The following SENP6 variants were observed in gnomAD, a reference collection of about 807,000 sequenced individuals.
SENP6 encodes the protein sentrin-specific protease 6.
SENP6 carries 41 observed loss-of-function variants against 134.5 expected under a neutral mutation model. The ratio of observed to expected loss-of-function variants is 0.30; its 90% CI spans 0.24 to 0.40. SENP6 has a LOEUF of 0.40. Among genes scored for constraint, SENP6 ranks in the 10% least tolerant of loss-of-function variants. SENP6 has a pLI of 1.00. For missense variants in SENP6, 1,248 were observed against 1,312.5 expected (o/e 0.95, Z 0.76); for synonymous variants, 395 against 429.8 (o/e 0.92, Z 1.00).
intron 12 of SENP6, 114 bp downstream of exon 12, chr6:75,675,582 A>G: frequency 1.4e-6 from 1 of 711,812 alleles, no homozygotes. Flanking sequence ...TAGTTGTTAC[A>G]TATATCTTCT....
At chr6:75,646,139 G>A (rs961339483) in intron 6 of SENP6, among the ~76,000 whole-genome samples, 2 of 152,124 alleles carry the variant, frequency 1.3e-5, no homozygotes, top group Non-Finnish European at 2.9e-5. Flanking sequence ...ATTCTCTTTA[G>A]TGTGAAAGTG....
chr6:75,689,764 A>T (rs749574889), intron 16 of SENP6, among the ~76,000 whole-genome samples: 3 of 152,182 alleles, frequency 2.0e-5, no homozygotes, highest in Non-Finnish European at 2.9e-5. Flanking sequence ...GCAGTAGGTT[A>T]TACCATATAG....
chr6:75,634,999 C>T, intron 5 of SENP6, 188 bp downstream of exon 5: 1 of 658,580 alleles, frequency 1.5e-6, no homozygotes, highest in Non-Finnish European at 2.8e-6. Flanking sequence ...TAATCAGATT[C>T]TGTAAATAGA....
chr6:75,693,287 C>T (rs1774416074), intron 16 of SENP6, among the ~76,000 whole-genome samples: 1 of 151,780 alleles, frequency 6.6e-6, no homozygotes, highest in Non-Finnish European at 1.5e-5. Context: ...TGCCTGCAGT[C>T]CTAGCTACTC....
chr6:75,626,339 T>TTATATATA (rs371571007), intron 3 of SENP6, among the ~76,000 whole-genome samples: 1 of 149,528 alleles, frequency 6.7e-6, no homozygotes, highest in Non-Finnish European at 1.5e-5. Flanking sequence ...GCTTAGCTTT[T>TTATATATA]TATATATATA....
chr6:75,690,141 C>T (rs1235544772), intron 16 of SENP6, among the ~76,000 whole-genome samples: 2 of 152,140 alleles, frequency 1.3e-5, no homozygotes, highest in Non-Finnish European at 2.9e-5. Context: ...GAGCTCCTGC[C>T]CTCAAGCAGT....
intron 8 of SENP6, among the ~76,000 whole-genome samples, chr6:75,661,215 G>A (rs1332102954): frequency 6.6e-6 from 1 of 152,190 alleles, no homozygotes; most frequent in Non-Finnish European, 1.5e-5. Flanking sequence ...CACGTTGCAT[G>A]TTTGTAACTC....
chr6:75,665,013 G>A (rs1423325629), intron 9 of SENP6, among the ~76,000 whole-genome samples: 3 of 152,190 alleles, frequency 2.0e-5, no homozygotes, highest in Admixed American at 6.5e-5. Flanking sequence ...TAGGCTGGGC[G>A]CATTGGGTCA....
chr6:75,602,507 C>A lies in SENP6; in HGVS notation c.-18C>A. 1.3e-6 allele frequency: 2 copies of A among 1,550,976 alleles called. No individual in the cohort carries two copies. The highest frequency in any genetic ancestry group is 2.7e-5 in the African/African-American group (2 of 73,146). On this transcript the variant is annotated 5_prime_UTR_variant, in exon 1 of 24. Coordinates refer to ENST00000447266, the MANE Select transcript of SENP6 (RefSeq NM_015571.4). ...TGTGGGCCATGGATTAAGAAGGAGG[C>A]GGCGTGGGAGGAGGAAGATGGCGGC...
rs1771586388 is a variant in SENP6 at position 75,659,234 on chromosome 6, A to G, written c.551-28A>G. 4 of 1,546,928 alleles carry G rather than the reference A, an allele frequency of 2.6e-6. 1 individual carries two copies. The South Asian group carries it at 4.8e-5, about 19-fold the overall frequency. On this transcript the variant is annotated intron_variant, in intron 7 of 23. Transcript: ENST00000447266. ...CACTAGCTTATTTTAACTAAAACTTAAAGTTTATTTTTTTCTCCTTCCTTT... is the reference window on the plus strand; with the variant it reads ...CACTAGCTTATTTTAACTAAAACTTGAAGTTTATTTTTTTCTCCTTCCTTT...
chr6:75,613,837 A>C (rs1051740968), intron 1 of SENP6, among the ~76,000 whole-genome samples: 3 of 152,220 alleles, frequency 2.0e-5, no homozygotes, highest in African/African-American at 7.2e-5. Context: ...TAATCTACAA[A>C]CATTTTTCCA....
intron 23 of SENP6, among the ~76,000 whole-genome samples, chr6:75,714,456 C>T (rs530555613): frequency 1.3e-5 from 2 of 152,300 alleles, no homozygotes; most frequent in East Asian, 1.9e-4. Flanking sequence ...ACTTGTTTAT[C>T]GTCGAGTGTC....
At position 75,602,038 on chromosome 6, in the gene SENP6, AG is replaced by A; in HGVS notation, c.-483del. 1 of 155,766 alleles carries A rather than the reference AG, an allele frequency of 6.4e-6. No homozygotes were observed. Among genetic ancestry groups the A allele is most frequent in the Non-Finnish European group, 1.4e-5 (1 of 70,678 alleles). The allele number at this position is 155,766 out of a possible 1,614,324, so 9.6% of individuals were successfully genotyped here. On this transcript the variant is annotated 5_prime_UTR_variant, in exon 1 of 24. Transcript: ENST00000447266. ...AGCGGCGGCGGCTGCAGAACGAGCT[AG>A]GGGCCTGGGGGCGCCTGACGGTCGC...
intron 9 of SENP6, among the ~76,000 whole-genome samples, chr6:75,665,922 G>T (rs571114515): frequency 6.6e-6 from 1 of 151,866 alleles, no homozygotes; most frequent in South Asian, 2.1e-4. Flanking sequence ...AGGTGCTGGG[G>T]AGGCTGAGGC....
chr6:75,682,358 G>A (rs1272284028), intron 16 of SENP6, among the ~76,000 whole-genome samples: 7 of 150,464 alleles, frequency 4.7e-5, no homozygotes, highest in South Asian at 2.1e-4. Flanking sequence ...AGAAGAACTC[G>A]ACAACACCAT....
chr6:75,674,843 G>T (rs567848331), intron 11 of SENP6, among the ~76,000 whole-genome samples: 2 of 151,916 alleles, frequency 1.3e-5, no homozygotes, highest in African/African-American at 2.4e-5. Flanking sequence ...ATAACTCCCC[G>T]CTAAATTTTA....
At chr6:75,620,960 T>C (rs2149828461) in intron 1 of SENP6, among the ~76,000 whole-genome samples, 1 of 152,320 alleles carries the variant, frequency 6.6e-6, no homozygotes, top group East Asian at 1.9e-4. Flanking sequence ...CACTTTCTAA[T>C]TGTTAATGGC....
chr6:75,656,013 G>A (rs760172665), intron 7 of SENP6, among the ~76,000 whole-genome samples: 44 of 151,916 alleles, frequency 2.9e-4, no homozygotes, highest in Non-Finnish European at 5.9e-4. Flanking sequence ...CCAGGAGTTC[G>A]AGACCAGCCT....
At chr6:75,633,487 T>C in intron 3 of SENP6, 94 bp from the exon 4 acceptor site, 1 of 1,039,352 alleles carries the variant, frequency 9.6e-7, no homozygotes, top group Non-Finnish European at 1.4e-6. Flanking sequence ...AATAGCTGTA[T>C]GTTTTTACTA....
Sources: allele counts gnomAD v4.1 joint callset (sites outside exome capture counted in the v4.1 genomes callset), GRCh38; gene constraint gnomAD v4.1.1; transcripts MANE v1.5; gene names NCBI Gene and HGNC (gene_info 2026-07-23, HGNC 2026-07-21).